KIAA1328: variants seen among roughly 807,000 people sequenced by gnomAD.
KIAA1328 encodes protein hinderin.
In KIAA1328, 52 loss-of-function variants were observed where a neutral mutation model predicts 68.1. That is an observed-to-expected ratio of 0.76 (90% CI 0.61 to 0.96). The LOEUF is 0.96. Ranked by LOEUF, KIAA1328 falls within the 40% of genes least tolerant of loss-of-function variation. KIAA1328 has a pLI of 0.00. For synonymous variants in KIAA1328, 232 were observed against 239.4 expected, an observed-to-expected ratio of 0.97 and a Z score of 0.28; for missense variants, 641 against 677.6, an observed-to-expected ratio of 0.95 and a Z score of 0.60.
intron 7 of KIAA1328, among the ~76,000 whole-genome samples, chr18:37,096,961 A>T (rs371885506): frequency 6.6e-6 from 1 of 151,902 alleles, no homozygotes; most frequent in African/African-American, 2.4e-5. Context: ...TTCATTGTAG[A>T]TTCTGGATAT....
intron 6 of KIAA1328, among the ~76,000 whole-genome samples, chr18:37,064,536 A>ACCCC (rs35629735): frequency 1.0e-4 from 12 of 116,358 alleles, no homozygotes; most frequent in African/African-American, 3.9e-4. Flanking sequence ...GACTGAAAGT[A>ACCCC]CCCCCCCCCC....
intron 5 of KIAA1328, among the ~76,000 whole-genome samples, chr18:36,910,599 A>G (rs999788860): frequency 1.3e-5 from 2 of 152,158 alleles, no homozygotes; most frequent in Non-Finnish European, 2.9e-5. Context: ...TGTCTTGGCA[A>G]TGTGGGCTCT....
At chr18:37,172,939 A>T in intron 8 of KIAA1328, 34 bp from the exon 9 acceptor site, 1 of 1,506,800 alleles carries the variant, frequency 6.6e-7, no homozygotes, top group Admixed American at 1.8e-5. Flanking sequence ...TCTTTTACTG[A>T]ATGCCCAAAT....
intron 7 of KIAA1328, among the ~76,000 whole-genome samples, chr18:37,101,712 T>C (rs1443740208): frequency 6.6e-6 from 1 of 152,112 alleles, no homozygotes; most frequent in Non-Finnish European, 1.5e-5. Flanking sequence ...AGACACATAA[T>C]TGTCAGATTC....
intron 8 of KIAA1328, among the ~76,000 whole-genome samples, chr18:37,172,508 CAT>C (rs1011801823): frequency 6.6e-6 from 1 of 152,158 alleles, no homozygotes; most frequent in African/African-American, 2.4e-5. Flanking sequence ...CCAATTAAGA[CAT>C]GTGTTTTAGC....
At chr18:36,830,897 C>T (rs2046465334) in intron 1 of KIAA1328, among the ~76,000 whole-genome samples, 1 of 152,198 alleles carries the variant, frequency 6.6e-6, no homozygotes. Flanking sequence ...CACCTTTCCC[C>T]TCAGACTATT....
At chr18:37,045,755 A>G (rs1035514924) in intron 6 of KIAA1328, among the ~76,000 whole-genome samples, 2 of 152,154 alleles carry the variant, frequency 1.3e-5, no homozygotes, top group Non-Finnish European at 2.9e-5. Context: ...GATGGTTTTG[A>G]CCAAGATGTT....
intron 5 of KIAA1328, among the ~76,000 whole-genome samples, chr18:36,899,444 G>A (rs556984665): frequency 1.3e-5 from 2 of 151,940 alleles, no homozygotes; most frequent in South Asian, 2.1e-4. Flanking sequence ...AAACTTGCCC[G>A]TTAGTGCTGA....
intron 7 of KIAA1328, among the ~76,000 whole-genome samples, chr18:37,140,905 C>G (rs2058751445): frequency 6.6e-6 from 1 of 152,120 alleles, no homozygotes; most frequent in Non-Finnish European, 1.5e-5. Context: ...TAGGTTTTGA[C>G]TTTATGGTGC....
At chr18:37,093,277 T>C (rs1250571447) in intron 7 of KIAA1328, among the ~76,000 whole-genome samples, 9 of 152,174 alleles carry the variant, frequency 5.9e-5, no homozygotes, top group Non-Finnish European at 1.3e-4. Context: ...ATGAGCACAG[T>C]AATTCTTCTG....
intron 6 of KIAA1328, among the ~76,000 whole-genome samples, chr18:36,963,806 C>T (rs1362682348): frequency 6.6e-6 from 1 of 152,200 alleles, no homozygotes; most frequent in East Asian, 1.9e-4. Context: ...ATTCATCTAT[C>T]TCCCTTACCA....
intron 7 of KIAA1328, among the ~76,000 whole-genome samples, chr18:37,085,417 T>C (rs1275995444): frequency 6.6e-6 from 1 of 152,184 alleles, no homozygotes; most frequent in Non-Finnish European, 1.5e-5. Flanking sequence ...CATTCCTTCT[T>C]ATTTTTGTGC....
chr18:37,076,076 G>C (rs958494076), intron 7 of KIAA1328, among the ~76,000 whole-genome samples: 1 of 152,012 alleles, frequency 6.6e-6, no homozygotes, highest in Non-Finnish European at 1.5e-5. Context: ...TGACCACATA[G>C]TTGGAAGTAA....
chr18:37,218,617 T>A (rs752649831), intron 9 of KIAA1328, among the ~76,000 whole-genome samples: 14 of 152,362 alleles, frequency 9.2e-5, no homozygotes, highest in East Asian at 1.9e-4. Flanking sequence ...CTTCTGAAGC[T>A]TATGCATGCG....
chr18:37,214,175 T>C (rs1309716348), intron 9 of KIAA1328, among the ~76,000 whole-genome samples: 2 of 152,266 alleles, frequency 1.3e-5, no homozygotes, highest in Non-Finnish European at 2.9e-5. Flanking sequence ...TTGTCTATTT[T>C]GGCTTTTGTT....
intron 6 of KIAA1328, among the ~76,000 whole-genome samples, chr18:36,981,761 A>AT (rs71168251): frequency 0.58 from 82,658 of 141,486 alleles, 25,255 homozygotes; most frequent in South Asian, 0.77. Flanking sequence ...TAATTGTTTG[A>AT]TTTTTTTTTT....
intron 9 of KIAA1328, among the ~76,000 whole-genome samples, chr18:37,184,583 T>G (rs1347326723): frequency 6.6e-6 from 1 of 152,162 alleles, no homozygotes; most frequent in Non-Finnish European, 1.5e-5. Context: ...GAAAGGGCAT[T>G]AGAGTTAAAG....
intron 9 of KIAA1328, among the ~76,000 whole-genome samples, chr18:37,197,373 GGAAAGTGTGGGGTA>G (rs1181642056): frequency 6.6e-6 from 1 of 152,000 alleles, no homozygotes; most frequent in Non-Finnish European, 1.5e-5. Flanking sequence ...CATGAACAAT[GGAAAGTGTGGGGTA>G]GAAGCAAAAA....
chr18:37,203,304 A>T (rs147442806), intron 9 of KIAA1328, among the ~76,000 whole-genome samples: 160 of 152,174 alleles, frequency 1.1e-3, no homozygotes, highest in African/African-American at 3.7e-3. Flanking sequence ...AACATTTTAT[A>T]AACTTTTATA....
Sources: allele counts gnomAD v4.1 joint callset (sites outside exome capture counted in the v4.1 genomes callset), GRCh38; gene constraint gnomAD v4.1.1; transcripts MANE v1.5; gene names NCBI Gene and HGNC (gene_info 2026-07-23, HGNC 2026-07-21).